Variants in PCDH15 observed in about 807,000 individuals in gnomAD.
PCDH15 encodes the protein protocadherin related 15.
Under a neutral mutation model 178.5 loss-of-function variants are expected in PCDH15, and 129 were observed. The ratio of observed to expected loss-of-function variants is 0.72; its 90% CI spans 0.63 to 0.84. The LOEUF (loss-of-function observed/expected upper bound fraction) is 0.84. PCDH15 is among the 40% of genes least tolerant of loss of function. PCDH15 has a pLI of 0.00. For missense variants in PCDH15, 2,230 were observed against 2,099.9 expected, an observed-to-expected ratio of 1.06 and a Z score of -1.21; for synonymous variants, 800 against 732.0, an observed-to-expected ratio of 1.09 and a Z score of -1.50.
chr10:55,549,338 AAATT>A (rs1841958588), intron 2 of PCDH15, among the ~76,000 whole-genome samples: 2 of 152,208 alleles, frequency 1.3e-5, no homozygotes, highest in South Asian at 4.1e-4. Context: ...ACACATGTTA[AAATT>A]ATTATAGAAA....
At chr10:54,496,366 T>A (rs1195946108) in intron 3 of PCDH15, among the ~76,000 whole-genome samples, 1 of 152,128 alleles carries the variant, frequency 6.6e-6, no homozygotes, top group Non-Finnish European at 1.5e-5. Context: ...GCTTCCACCT[T>A]CCTCATAATG....
intron 15 of PCDH15, among the ~76,000 whole-genome samples, chr10:54,122,237 C>T (rs965107342): frequency 5.9e-5 from 9 of 151,870 alleles, no homozygotes; most frequent in African/African-American, 9.7e-5. Flanking sequence ...AAATGTGATC[C>T]GATCACATGA....
intron 2 of PCDH15, chr10:54,599,771 T>C: frequency 3.9e-6 from 2 of 517,988 alleles, no homozygotes; most frequent in Non-Finnish European, 7.3e-6. Context: ...GGTGATAAGT[T>C]AGACCAAGCT....
At chr10:54,104,845 CAAAAAAAAAAAAA>C (rs56195842) in intron 15 of PCDH15, among the ~76,000 whole-genome samples, 547 of 48,668 alleles carry the variant, frequency 0.011, 25 homozygotes, top group African/African-American at 0.031. Flanking sequence ...TCAACAACAA[CAAAAAAAAAAAAA>C]AAAAAAAAAA....
intron 2 of PCDH15, among the ~76,000 whole-genome samples, chr10:54,977,411 G>A (rs1478576848): frequency 6.6e-6 from 1 of 152,068 alleles, no homozygotes; most frequent in East Asian, 1.9e-4. Flanking sequence ...TGATTATACT[G>A]TAATTATAGT....
intron 2 of PCDH15, among the ~76,000 whole-genome samples, chr10:55,475,527 C>T (rs374252704): frequency 3.0e-4 from 45 of 152,000 alleles, no homozygotes; most frequent in African/African-American, 1.0e-3. Flanking sequence ...CTTTTTGAGT[C>T]CTGGTATGAT....
At chr10:54,254,259 T>A (rs955003187) in intron 8 of PCDH15, among the ~76,000 whole-genome samples, 3 of 152,118 alleles carry the variant, frequency 2.0e-5, no homozygotes, top group African/African-American at 7.2e-5. Flanking sequence ...GTAGAGATGA[T>A]GCAAGTCTCA....
intron 2 of PCDH15, among the ~76,000 whole-genome samples, chr10:55,482,839 C>T (rs145720388): frequency 0.012 from 1,829 of 151,690 alleles, 30 homozygotes; most frequent in Non-Finnish European, 0.015. Context: ...GGGTTCTCTG[C>T]GTTTTCTGAA....
At chr10:55,465,577 T>C (rs1209946011) in intron 2 of PCDH15, among the ~76,000 whole-genome samples, 1 of 152,094 alleles carries the variant, frequency 6.6e-6, no homozygotes, top group Non-Finnish European at 1.5e-5. Flanking sequence ...ACCACTTTTA[T>C]GGGAAGTAGA....
rs148121173 is a variant in PCDH15 at position 55,193,299 on chromosome 10, C to T, written c.-155-26648G>A. 7.9e-5 allele frequency among the ~76,000 whole-genome samples: 12 copies of T among 151,946 alleles called. No individual in the cohort carries two copies. In the East Asian group the frequency reaches 1.4e-3, roughly 17 times the overall value. On this transcript the variant is annotated intron_variant, in intron 1 of 5. Coordinates refer to the PCDH15 transcript ENST00000458638. ...AAGCAATTTCAATATGAAACTGTAA[C>T]ACAATATGTTCATTTACCTTGATTA... is the stretch of plus-strand genomic sequence containing the variant.
chr10:54,407,927 C>T (rs1423452373), intron 3 of PCDH15, among the ~76,000 whole-genome samples: 1 of 151,620 alleles, frequency 6.6e-6, no homozygotes, highest in East Asian at 1.9e-4. Context: ...TGGTGGCTCA[C>T]TCTCGTAATC....
chr10:55,442,470 T>TATTATATATATATAATATATA (rs5785132), intron 2 of PCDH15, among the ~76,000 whole-genome samples: 37 of 124,680 alleles, frequency 3.0e-4, no homozygotes, highest in African/African-American at 1.1e-3. Flanking sequence ...TATATATATA[T>TATTATATATATATAATATATA]TATATATATA....
intron 2 of PCDH15, among the ~76,000 whole-genome samples, chr10:55,036,797 G>C (rs563198020): frequency 5.7e-4 from 87 of 152,190 alleles, no homozygotes; most frequent in South Asian, 6.2e-4. Flanking sequence ...TAAAAAACAA[G>C]CATATTGTTA....
chr10:55,158,024 A>G (rs1838942049), intron 2 of PCDH15, among the ~76,000 whole-genome samples: 1 of 151,720 alleles, frequency 6.6e-6, no homozygotes, highest in East Asian at 1.9e-4. Flanking sequence ...ATTATGCTCT[A>G]TAGTTCCAAA....
chr10:54,747,195 C>T (rs954108742), intron 1 of PCDH15, among the ~76,000 whole-genome samples: 1 of 152,190 alleles, frequency 6.6e-6, no homozygotes, highest in African/African-American at 2.4e-5. Context: ...AGGTACTACA[C>T]ACCATGCTTA....
rs544010171 is a variant in PCDH15, at chr10:54,197,087, G to C, written c.1099-1198C>G. 1.4e-4 allele frequency among the ~76,000 whole-genome samples: 22 copies of C among 152,118 alleles called. 2 individuals are homozygous for C. In the South Asian group the frequency reaches 4.6e-3, roughly 32 times the overall value. ...CCGTCCCCAAAAGCTTCTTAAAAAG[G>C]ACAGAAATAATAAATTTCATTGTAA... On this transcript the variant is annotated intron_variant, in intron 10 of 37. Coordinates refer to ENST00000644397, the MANE Select transcript of PCDH15 (RefSeq NM_001384140.1).
chr10:54,466,614 G>A (rs1261205751), intron 3 of PCDH15, among the ~76,000 whole-genome samples: 1 of 151,870 alleles, frequency 6.6e-6, no homozygotes, highest in Non-Finnish European at 1.5e-5. Flanking sequence ...GTAGTGTGGT[G>A]ACTCCAGTTT....
intron 1 of PCDH15, among the ~76,000 whole-genome samples, chr10:55,305,233 G>C (rs1843390091): frequency 6.6e-6 from 1 of 151,990 alleles, no homozygotes; most frequent in Admixed American, 6.5e-5. Flanking sequence ...TGGGCTAGAT[G>C]ACTAGCTCAT....
chr10:55,498,980 A>C (rs571157526), intron 2 of PCDH15, among the ~76,000 whole-genome samples: 1 of 152,002 alleles, frequency 6.6e-6, no homozygotes, highest in East Asian at 2.0e-4. Context: ...GAGTTGAAAA[A>C]TTATGTCTAG....
Sources: allele counts gnomAD v4.1 joint callset (sites outside exome capture counted in the v4.1 genomes callset), GRCh38; gene constraint gnomAD v4.1.1; transcripts MANE v1.5; gene names NCBI Gene and HGNC (gene_info 2026-07-23, HGNC 2026-07-21).